GNB1L: variants seen among roughly 807,000 people sequenced by gnomAD.
GNB1L encodes G protein subunit beta 1 like.
Under a neutral mutation model 29.1 loss-of-function variants are expected in GNB1L, and 20 were observed. That is an observed-to-expected ratio of 0.69 (90% CI 0.48 to 1.00). The LOEUF is 1.00. Ranked by LOEUF, GNB1L falls within the 50% of genes least tolerant of loss-of-function variation. The pLI is 0.00. For missense variants in GNB1L, 421 were observed against 464.9 expected, an observed-to-expected ratio of 0.91 and a Z score of 0.87; for synonymous variants, 193 against 206.5, an observed-to-expected ratio of 0.93 and a Z score of 0.56.
chr22:19,851,945 G>A (rs1938113542), intron 2 of GNB1L: 1 of 1,614,146 alleles, frequency 6.2e-7, no homozygotes, highest in Non-Finnish European at 8.5e-7. Flanking sequence ...GCCATCAAAG[G>A]TGCCTGGGTC....
At chr22:19,812,840 G>A (rs759758532) in intron 4 of GNB1L, among the ~76,000 whole-genome samples, 1 of 152,218 alleles carries the variant, frequency 6.6e-6, no homozygotes, top group African/African-American at 2.4e-5. Context: ...GGAGAACAGA[G>A]GGGAGCCAAC....
intron 2 of GNB1L, among the ~76,000 whole-genome samples, chr22:19,833,626 G>A (rs1039123509): frequency 6.6e-6 from 1 of 152,160 alleles, no homozygotes; most frequent in Non-Finnish European, 1.5e-5. Context: ...CACTTTGGGA[G>A]GCTGAGGCAG....
rs569635721 is a variant in GNB1L at position 19,794,798 on chromosome 22, T to C, written c.733-5838A>G. 1.3e-4 allele frequency among the ~76,000 whole-genome samples: 20 copies of C among 152,220 alleles called. No individual in the cohort carries two copies. The East Asian group carries it at 3.7e-3, about 28-fold the overall frequency. Reference sequence around the variant, plus strand: ...GAGATCGAGACCATCCTGGACAACATGGTGAAACCCTGTCTCTACTAAAAA... The same window carrying C: ...GAGATCGAGACCATCCTGGACAACACGGTGAAACCCTGTCTCTACTAAAAA... On this transcript the variant is annotated intron_variant, in intron 7 of 7. Coordinates refer to ENST00000329517, the MANE Select transcript of GNB1L (RefSeq NM_053004.3).
chr22:19,846,472 G>C, intron 2 of GNB1L: 1 of 985,408 alleles, frequency 1.0e-6, no homozygotes, highest in Non-Finnish European at 1.2e-6. Context: ...CAGGGCCTGG[G>C]GGACTCTGCA....
At chr22:19,850,517 AG>A in intron 2 of GNB1L, 1 of 1,061,054 alleles carries the variant, frequency 9.4e-7, no homozygotes. Context: ...GAGCCTGGCA[AG>A]GGGCTTGCAT....
intron 7 of GNB1L, among the ~76,000 whole-genome samples, chr22:19,789,664 C>T (rs867588140): frequency 9.2e-5 from 14 of 151,948 alleles, no homozygotes; most frequent in African/African-American, 2.9e-4. Flanking sequence ...ACGGGGCCGT[C>T]GGGGTGCTGG....
chr22:19,815,085 C>T (rs913114035), intron 4 of GNB1L, among the ~76,000 whole-genome samples: 2 of 151,634 alleles, frequency 1.3e-5, no homozygotes, highest in African/African-American at 4.8e-5. Flanking sequence ...TAAGTGATCA[C>T]ACACCAAAAG....
At chr22:19,831,363 TAA>T (rs750705463) in intron 2 of GNB1L, among the ~76,000 whole-genome samples, 7 of 119,550 alleles carry the variant, frequency 5.9e-5, no homozygotes, top group South Asian at 2.7e-4. Flanking sequence ...AGACTCTATC[TAA>T]AAAAAAAAAA....
rs1050356702 is a variant in GNB1L, at chr22:19,807,667, A to G, written c.418-910T>C. On this transcript the variant is annotated intron_variant, in intron 5 of 7. Transcript: ENST00000329517. ...GCCTGGCATACATGGGGCATCACCC[A>G]CTTTACACACAAGGAGTCCAAGCCC... 3.9e-5 allele frequency among the ~76,000 whole-genome samples: 6 copies of G among 152,338 alleles called. No homozygotes were observed. In the East Asian group the frequency reaches 1.2e-3, roughly 29 times the overall value.
rs1202546876 is a variant in GNB1L at position 19,784,138 on chromosome 22, A to T, written c.*4571T>A. ...TTTCACATGAAGTTCTAGCTAATTGAGTATAAGCATTTCTAAAGAACCCCC... is the reference window on the plus strand; with the variant it reads ...TTTCACATGAAGTTCTAGCTAATTGTGTATAAGCATTTCTAAAGAACCCCC... On this transcript the variant is annotated 3_prime_UTR_variant, in exon 8 of 8. Transcript: ENST00000329517. 1 of 152,180 alleles carries T rather than the reference A, an allele frequency of 6.6e-6. No homozygotes were observed. Among genetic ancestry groups the T allele is most frequent in the Non-Finnish European group, 1.5e-5 (1 of 68,044 alleles). 9.4% of individuals were successfully genotyped at this position (152,180 alleles called of 1,614,324 possible). A position where few individuals can be genotyped will look rare whatever the true frequency, so the allele number is the denominator to read the frequency against.
At chr22:19,849,794 A>G in intron 2 of GNB1L, 1 of 985,396 alleles carries the variant, frequency 1.0e-6, no homozygotes. Flanking sequence ...TTGTTTTCAC[A>G]ATTGTAAACC....
intron 4 of GNB1L, 24 bp from the exon 5 acceptor site, chr22:19,812,471 C>A (rs1219320629): frequency 1.3e-6 from 2 of 1,597,966 alleles, no homozygotes; most frequent in South Asian, 1.1e-5. Flanking sequence ...AGGAGACAGG[C>A]CTGAGACTCC....
At chr22:19,813,172 T>G (rs1355868845) in intron 4 of GNB1L, among the ~76,000 whole-genome samples, 3 of 152,144 alleles carry the variant, frequency 2.0e-5, no homozygotes, top group African/African-American at 7.2e-5. Context: ...CAGACGGGTG[T>G]GTAAGCACAG....
chr22:19,838,300 C>A (rs1038233181), intron 2 of GNB1L, among the ~76,000 whole-genome samples: 1 of 152,086 alleles, frequency 6.6e-6, no homozygotes, highest in Non-Finnish European at 1.5e-5. Context: ...TAATGAAATA[C>A]CACTACATAC....
chr22:19,824,734 A>T (rs1221563387), intron 2 of GNB1L, among the ~76,000 whole-genome samples: 2 of 152,170 alleles, frequency 1.3e-5, no homozygotes, highest in Non-Finnish European at 2.9e-5. Context: ...GTCCACAGAC[A>T]CCCCACTCAA....
chr22:19,789,227 G>A (rs1937224761), intron 7 of GNB1L, among the ~76,000 whole-genome samples: 1 of 152,192 alleles, frequency 6.6e-6, no homozygotes, highest in Admixed American at 6.5e-5. Context: ...GAGAGCAGCA[G>A]AGACAGGGAG....
At chr22:19,800,712 T>C (rs907301787) in intron 7 of GNB1L, among the ~76,000 whole-genome samples, 1 of 150,626 alleles carries the variant, frequency 6.6e-6, no homozygotes, top group Non-Finnish European at 1.5e-5. Context: ...AGCTGACGGA[T>C]GGGTGAGGGA....
At chr22:19,844,873 C>G (rs1002891027) in intron 2 of GNB1L, among the ~76,000 whole-genome samples, 23 of 152,348 alleles carry the variant, frequency 1.5e-4, no homozygotes, top group African/African-American at 5.5e-4. Flanking sequence ...CCCCGTGCAC[C>G]AGTTCAGCCT....
rs79201856 is a variant in GNB1L at position 19,802,648 on chromosome 22, C to T, written c.517-432G>A. ...AGGGACCTGTCCTCCTGCCTCCTTT[C>T]CCCAGGCCTAAGATGTGTGGCCACC... On this transcript the variant is annotated intron_variant, in intron 6 of 7. Coordinates refer to ENST00000329517, the MANE Select transcript of GNB1L (RefSeq NM_053004.3). Among the ~76,000 whole-genome samples the T allele has an allele frequency of 9.5e-3, 1,441 of 152,348 alleles. 26 individuals are homozygous for T. Among genetic ancestry groups the T allele is most frequent in the African/African-American group, 0.033 (1,382 of 41,574 alleles).
Sources: allele counts gnomAD v4.1 joint callset (sites outside exome capture counted in the v4.1 genomes callset), GRCh38; gene constraint gnomAD v4.1.1; transcripts MANE v1.5; gene names NCBI Gene and HGNC (gene_info 2026-07-23, HGNC 2026-07-21).